MOV10: variants seen among roughly 807,000 people sequenced by gnomAD.
MOV10 encodes RNA helicase MOV-10.
Under a neutral mutation model 108.4 loss-of-function variants are expected in MOV10, and 39 were observed. The ratio of observed to expected loss-of-function variants is 0.36; its 90% CI spans 0.28 to 0.47. The LOEUF (loss-of-function observed/expected upper bound fraction) is 0.47, where lower values mean the gene tolerates loss of function less well. Among genes scored for constraint, MOV10 ranks in the 20% least tolerant of loss-of-function variants. MOV10 has a pLI of 1.00. For missense variants in MOV10, 952 were observed against 1,297.6 expected, an observed-to-expected ratio of 0.73 and a Z score of 4.09; for synonymous variants, 490 against 523.1, an observed-to-expected ratio of 0.94 and a Z score of 0.86.
chr1:112,687,083 T>A (rs1277133539), intron 2 of MOV10: 2 of 455,486 alleles, frequency 4.4e-6, no homozygotes, highest in Non-Finnish European at 8.8e-6. Flanking sequence ...GTAACCACAG[T>A]GTAGCCTCTG....
chr1:112,678,590 G>C (rs969912295), intron 2 of MOV10, among the ~76,000 whole-genome samples: 3 of 151,962 alleles, frequency 2.0e-5, no homozygotes, highest in African/African-American at 7.3e-5. Context: ...GGTTTCTTGG[G>C]GAAAGTGATA....
At chr1:112,693,038 G>C in intron 7 of MOV10, 109 bp downstream of exon 7, 1 of 1,074,882 alleles carries the variant, frequency 9.3e-7, no homozygotes, top group Non-Finnish European at 1.3e-6. Context: ...AAGTTGAAGT[G>C]GTTCCCAGGG....
rs1376609469 is a variant in MOV10 at position 112,695,565 on chromosome 1, G to A, written c.1770G>A (p.Glu590=). The A allele has an allele frequency of 1.9e-6, 3 of 1,613,754 alleles. No homozygotes were observed. The highest frequency in any genetic ancestry group is 2.5e-6 in the Non-Finnish European group (3 of 1,179,948). The part of the protein sequence containing the change: ...APSRDIRMVP[E]DIKPCCNWDA... Reference sequence around the variant, plus strand: ...GCAGGGACATCCGCATGGTACCTGAGGACATCAAGGTACTAGGGAAGTGCA... The same window carrying A: ...GCAGGGACATCCGCATGGTACCTGAAGACATCAAGGTACTAGGGAAGTGCA... The change falls in exon 11 of 21, where the codon GAG becomes GAA. Residue 590 remains glutamate, a synonymous_variant. Coordinates refer to ENST00000369645, the MANE Select transcript of MOV10 (RefSeq NM_001321324.2).
At position 112,685,319 on chromosome 1, in the gene MOV10, A is replaced by G. The variant is rs1256749219; in HGVS notation, c.138-3616A>G. 2.0e-5 allele frequency among the ~76,000 whole-genome samples: 3 copies of G among 150,848 alleles called. No homozygotes were observed. The Admixed American group carries it at 2.0e-4, about 10-fold the overall frequency. The stretch of plus-strand genomic sequence containing the variant: ...CACACTTGACCTAGTTTTATTTTAT[A>G]GCTGCTGGTTTCCAGTCTTGGTTAG... On this transcript the variant is annotated intron_variant, in intron 2 of 20. Transcript: ENST00000369645.
chr1:112,681,561 C>T (rs1440256475), intron 2 of MOV10, among the ~76,000 whole-genome samples: 3 of 152,062 alleles, frequency 2.0e-5, no homozygotes, highest in African/African-American at 2.4e-5. Flanking sequence ...CACTCGTAGG[C>T]ATATGGCATA....
At chr1:112,677,834 A>G (rs1672315831) in intron 2 of MOV10, among the ~76,000 whole-genome samples, 1 of 152,124 alleles carries the variant, frequency 6.6e-6, no homozygotes, top group South Asian at 2.1e-4. Context: ...GAGAGGGGAT[A>G]GGTCTCTCCA....
chr1:112,674,934 C>A lies in MOV10; in HGVS notation c.22C>A (p.Arg8=). The A allele has an allele frequency of 6.3e-7, 1 of 1,583,438 alleles. No individual in the cohort carries two copies. Among genetic ancestry groups the A allele is most frequent in the Middle Eastern group, 1.7e-4 (1 of 5,974 alleles). MPSKFSC[R]QLREAGQCFE... ...CGCGATGCCCAGTAAGTTCAGCTGCCGGCAGCTCCGGGAGGCGGGCCAGTG... is the reference window on the plus strand; with the variant it reads ...CGCGATGCCCAGTAAGTTCAGCTGCAGGCAGCTCCGGGAGGCGGGCCAGTG... Residue 8 remains arginine (R), a synonymous_variant, in exon 2 of 21, where the codon CGG becomes AGG. Transcript: ENST00000369645.
At chr1:112,690,161 T>C (rs1389312782) in intron 5 of MOV10, 63 bp downstream of exon 5, 1 of 1,573,504 alleles carries the variant, frequency 6.4e-7, no homozygotes, top group Non-Finnish European at 8.6e-7. Context: ...GGCCAGGGCT[T>C]TGGGAAGAGC....
chr1:112,698,141 T>G (rs528850173), intron 15 of MOV10, 30 bp downstream of exon 15: 1 of 1,607,236 alleles, frequency 6.2e-7, no homozygotes, highest in African/African-American at 1.3e-5. Flanking sequence ...GCCCCACCCC[T>G]GTACCCTGAC....
intron 1 of MOV10, 43 bp from the exon 2 acceptor site, chr1:112,674,805 T>G: frequency 2.6e-6 from 3 of 1,154,608 alleles, no homozygotes; most frequent in South Asian, 1.6e-5. Context: ...GTTAGGGGGC[T>G]TCCCTCCTGC....
In MOV10 at chr1:112,696,661, A is replaced by G. The variant is rs1674117255; in HGVS notation, c.2013A>G (p.Pro671=). The G allele has an allele frequency of 6.2e-7, 1 of 1,611,570 alleles. No homozygotes were observed. The highest frequency in any genetic ancestry group is 1.7e-5 in the Admixed American group (1 of 59,482). ...GLMEVKETGD[P]GGQLVLAGDP... ...TGGAAGTAAAGGAAACAGGTGATCC[A>G]GGAGGGCAGCTGGTGCTGGCAGGAG... The change falls in exon 14 of 21, where the codon CCA becomes CCG. Residue 671 remains proline, a synonymous_variant. Coordinates refer to ENST00000369645, the MANE Select transcript of MOV10 (RefSeq NM_001321324.2).
chr1:112,685,042 G>T (rs969542236), intron 2 of MOV10: 1 of 152,016 alleles, frequency 6.6e-6, no homozygotes, highest in African/African-American at 2.4e-5. Context: ...TAGAGACAGG[G>T]TTACCCAAGC....
intron 4 of MOV10, 89 bp from the exon 5 acceptor site, chr1:112,689,751 C>A: frequency 6.3e-7 from 1 of 1,585,244 alleles, no homozygotes; most frequent in Non-Finnish European, 8.6e-7. Context: ...GGACTCTTGC[C>A]TTGGGATGGG....
chr1:112,699,461 A>G, intron 17 of MOV10: 1 of 1,400,434 alleles, frequency 7.1e-7, no homozygotes, highest in East Asian at 2.6e-5. Context: ...TCCTTAGAAC[A>G]CTTTGCAGGC....
At position 112,689,833 on chromosome 1, in the gene MOV10, C is replaced by T. The variant is rs555499055; in HGVS notation, c.578-7C>T. 1,713 of 1,613,082 alleles carry T rather than the reference C, an allele frequency of 1.1e-3. 34 individuals are homozygous for T. The South Asian group carries it at 0.018, about 17-fold the overall frequency. On this transcript the variant is annotated splice_polypyrimidine_tract_variant and splice_region_variant and intron_variant, in intron 4 of 20. Transcript: ENST00000369645. ...CTACCCCCATTCACTCATCCATTCT[C>T]CTCCAGGTGAATGCTATGAACTCCA...
chr1:112,691,851 T>G (rs1317380366), intron 6 of MOV10, 52 bp downstream of exon 6: 1 of 1,581,722 alleles, frequency 6.3e-7, no homozygotes, highest in East Asian at 2.3e-5. Context: ...ACCTACTGGC[T>G]TCTTTGCATT....
chr1:112,683,341 A>G (rs1263566645), intron 2 of MOV10, among the ~76,000 whole-genome samples: 1 of 152,170 alleles, frequency 6.6e-6, no homozygotes, highest in Non-Finnish European at 1.5e-5. Flanking sequence ...GAACTATTAG[A>G]CCTTTTCCCA....
In MOV10 at chr1:112,694,008, C is replaced by T. The variant is rs1264367447; in HGVS notation, c.1141-10C>T. 5 of 1,613,744 alleles carry T rather than the reference C, an allele frequency of 3.1e-6. No individual in the cohort carries two copies. The Admixed American group carries it at 5.0e-5, about 16-fold the overall frequency. On this transcript the variant is annotated splice_polypyrimidine_tract_variant and intron_variant, in intron 7 of 20. Coordinates refer to ENST00000369645, the MANE Select transcript of MOV10 (RefSeq NM_001321324.2). This position sits in a 1 kb window ranked among gnomAD's most constrained non-coding sequence, Gnocchi z 4.1. ...TGGGACAGAAGCTTGCTTGTGTTCA[C>T]ACCCCATAGGTTCCTGGAGTGACTG...
At chr1:112,683,998 T>C (rs559311365) in intron 2 of MOV10, among the ~76,000 whole-genome samples, 42 of 152,314 alleles carry the variant, frequency 2.8e-4, no homozygotes, top group Non-Finnish European at 4.6e-4. Context: ...TTGCCCAGAC[T>C]GGAGTGCAGA....
Sources: allele counts gnomAD v4.1 joint callset (sites outside exome capture counted in the v4.1 genomes callset), GRCh38; gene constraint gnomAD v4.1.1; non-coding constraint Gnocchi (gnomAD v3.1); transcripts MANE v1.5; gene names NCBI Gene and HGNC (gene_info 2026-07-23, HGNC 2026-07-21).